Variants in METTL15 observed in about 807,000 individuals in gnomAD.
METTL15 encodes the protein 12S rRNA N(4)-cytidine methyltransferase METTL15.
A neutral mutation model predicts 38.3 loss-of-function variants in METTL15; 34 were observed. The observed-to-expected ratio is 0.89, with a 90% CI of 0.68 to 1.18. METTL15 has a LOEUF of 1.18. METTL15 is among the 50% of genes most tolerant of loss of function. The pLI is 0.00. For synonymous variants in METTL15, 162 were observed against 170.9 expected, an observed-to-expected ratio of 0.95 and a Z score of 0.41; for missense variants, 438 against 498.4, an observed-to-expected ratio of 0.88 and a Z score of 1.15.
At chr11:28,512,289 G>A (rs985756140) in intron 6 of METTL15, among the ~76,000 whole-genome samples, 14 of 152,342 alleles carry the variant, frequency 9.2e-5, no homozygotes, top group African/African-American at 2.4e-4. Context: ...ATCCCGCACC[G>A]GGGCAGCAGG....
At chr11:28,365,371 A>C (rs984556008) in intron 5 of METTL15, among the ~76,000 whole-genome samples, 10 of 152,200 alleles carry the variant, frequency 6.6e-5, no homozygotes, top group South Asian at 2.1e-4. Context: ...TGGCCTGTTC[A>C]CGTTTTCAGT....
At chr11:28,363,781 T>G (rs1306137161) in intron 5 of METTL15, among the ~76,000 whole-genome samples, 2 of 152,182 alleles carry the variant, frequency 1.3e-5, no homozygotes, top group African/African-American at 4.8e-5. Context: ...GAAGTATATT[T>G]CCTAGGTTTT....
chr11:28,385,123 G>T (rs866255353), intron 5 of METTL15, among the ~76,000 whole-genome samples: 2 of 152,118 alleles, frequency 1.3e-5, no homozygotes, highest in African/African-American at 4.8e-5. Context: ...AGTTTCCTTT[G>T]CTGTGCAGAA....
At chr11:28,115,929 T>TAC (rs1381502819) in intron 3 of METTL15, among the ~76,000 whole-genome samples, 33 of 98,328 alleles carry the variant, frequency 3.4e-4, no homozygotes, top group South Asian at 3.2e-3. Flanking sequence ...CACACACACA[T>TAC]ACACATACAC....
chr11:28,233,018 T>A (rs910412690), intron 4 of METTL15, among the ~76,000 whole-genome samples: 1 of 152,036 alleles, frequency 6.6e-6, no homozygotes, highest in East Asian at 1.9e-4. Context: ...ATGCAAGGAA[T>A]TGAAGCGGAC....
chr11:28,335,602 G>A, downstream of METTL15, among the ~76,000 whole-genome samples: 1 of 152,182 alleles, frequency 6.6e-6, no homozygotes, highest in Admixed American at 6.5e-5. Context: ...AATAAATGAT[G>A]TCCGGGTCAT....
chr11:28,188,775 A>G (rs1032292383), intron 3 of METTL15, among the ~76,000 whole-genome samples: 1 of 151,194 alleles, frequency 6.6e-6, no homozygotes, highest in African/African-American at 2.4e-5. Context: ...CCCAAAGCCA[A>G]TGTAAATGGT....
chr11:28,529,229 G>A (rs1457362263), downstream of METTL15, among the ~76,000 whole-genome samples: 1 of 152,076 alleles, frequency 6.6e-6, no homozygotes, highest in Non-Finnish European at 1.5e-5. Context: ...ATAACTTGTG[G>A]CTGAGGCTGT....
At position 28,517,471 on chromosome 11, in the gene METTL15, G is replaced by A. The variant is rs560423135; in HGVS notation, c.*425-9007G>A. ...AGAACTAAGAGGCAATCCTTTCGTT[G>A]TGAGAGGGGTGGGCATCCACCCTGG... On this transcript the variant is annotated intron_variant and NMD_transcript_variant, in intron 6 of 7. Transcript: ENST00000532947. Among the ~76,000 whole-genome samples, 3 of 152,228 alleles carry A rather than the reference G, an allele frequency of 2.0e-5. No homozygotes were observed. The East Asian group carries it at 5.8e-4, about 29-fold the overall frequency.
chr11:28,232,491 A>C (rs1297149281), intron 4 of METTL15, among the ~76,000 whole-genome samples: 2 of 151,780 alleles, frequency 1.3e-5, no homozygotes, highest in Non-Finnish European at 2.9e-5. Context: ...TTTTCTTTGA[A>C]AGAAAAAGTA....
At chr11:28,408,289 C>G (rs1850692293) in intron 5 of METTL15, among the ~76,000 whole-genome samples, 1 of 152,074 alleles carries the variant, frequency 6.6e-6, no homozygotes, top group Non-Finnish European at 1.5e-5. Context: ...CCTGCACGTC[C>G]TGCATATGAA....
At chr11:28,470,785 A>C (rs1851297329) in intron 6 of METTL15, among the ~76,000 whole-genome samples, 1 of 152,088 alleles carries the variant, frequency 6.6e-6, no homozygotes, top group Non-Finnish European at 1.5e-5. Flanking sequence ...CCTTTTTGTT[A>C]CTTGAGATGG....
chr11:28,488,055 T>G (rs1851452719), intron 6 of METTL15, among the ~76,000 whole-genome samples: 1 of 152,182 alleles, frequency 6.6e-6, no homozygotes, highest in Non-Finnish European at 1.5e-5. Flanking sequence ...GATTTCTACT[T>G]TGACTAGTAG....
At chr11:28,186,807 A>C (rs1590126629) in intron 3 of METTL15, among the ~76,000 whole-genome samples, 1 of 151,252 alleles carries the variant, frequency 6.6e-6, no homozygotes, top group Non-Finnish European at 1.5e-5. Context: ...AAGTAAGTTT[A>C]ATATATGTTC....
intron 3 of METTL15, among the ~76,000 whole-genome samples, chr11:28,195,339 A>G (rs1245478827): frequency 6.6e-6 from 1 of 152,112 alleles, no homozygotes; most frequent in Non-Finnish European, 1.5e-5. Context: ...CCAGCAATGT[A>G]TAAGTTTTCC....
intron 6 of METTL15, among the ~76,000 whole-genome samples, chr11:28,322,855 A>G (rs1207378258): frequency 6.6e-6 from 1 of 152,202 alleles, no homozygotes; most frequent in African/African-American, 2.4e-5. Context: ...ACAAGAGACC[A>G]CTTCTATCTT....
chr11:28,398,683 C>T (rs1304316207), intron 5 of METTL15: 2 of 152,062 alleles, frequency 1.3e-5, no homozygotes, highest in Non-Finnish European at 2.9e-5. Context: ...TTAATTAGCT[C>T]CCATTGTCAC....
intron 6 of METTL15, among the ~76,000 whole-genome samples, chr11:28,301,505 T>G (rs966461056): frequency 6.6e-6 from 1 of 152,118 alleles, no homozygotes; most frequent in African/African-American, 2.4e-5. Context: ...AACACCATTG[T>G]CAACAGCCAC....
chr11:28,361,794 C>T (rs1850141841), intron 4 of METTL15: 1 of 152,154 alleles, frequency 6.6e-6, no homozygotes, highest in African/African-American at 2.4e-5. Context: ...AGACATTTCC[C>T]CTGAACACAG....
Sources: gnomAD v4.1 joint callset for allele counts (sites outside exome capture counted in the v4.1 genomes callset) on GRCh38, gnomAD v4.1.1 for gene constraint, MANE v1.5 for transcripts, NCBI Gene and HGNC (gene_info 2026-07-23, HGNC 2026-07-21) for gene names.